Variants in MTCL2 observed in about 807,000 individuals in gnomAD.
MTCL2 encodes the protein microtubule cross-linking factor 2.
the MTCL2 span, among the ~76,000 whole-genome samples, chr20:36,839,828 G>C: frequency 6.6e-6 from 1 of 152,116 alleles, no homozygotes; most frequent in African/African-American, 2.4e-5. This position sits in a 1 kb window ranked among gnomAD's most constrained non-coding sequence, Gnocchi z 5.1. Flanking sequence ...CTAGACCTTT[G>C]ACCTCCAGGA....
the MTCL2 span, among the ~76,000 whole-genome samples, chr20:36,798,513 G>A: frequency 3.9e-5 from 6 of 152,306 alleles, no homozygotes; most frequent in South Asian, 1.2e-3. Context: ...CCCATTGTTG[G>A]TGGCTCCATC....
chr20:36,803,200 G>A, the MTCL2 span: 8 of 1,473,362 alleles, frequency 5.4e-6, no homozygotes, highest in South Asian at 1.1e-4. Flanking sequence ...GCGGGGAAAA[G>A]GGGAGAGGTC....
chr20:36,779,426 G>A, the MTCL2 span: 1 of 152,664 alleles, frequency 6.6e-6, no homozygotes, highest in Non-Finnish European at 1.5e-5. Context: ...GAGGAAAAAG[G>A]AGGGATCCAA....
At chr20:36,859,219 C>T in the MTCL2 span, among the ~76,000 whole-genome samples, 1 of 152,246 alleles carries the variant, frequency 6.6e-6, no homozygotes, top group Admixed American at 6.5e-5. Flanking sequence ...TCTCAGATTC[C>T]TCCATCCACA....
At chr20:36,788,360 A>T in the MTCL2 span, among the ~76,000 whole-genome samples, 1 of 151,828 alleles carries the variant, frequency 6.6e-6, no homozygotes, top group Non-Finnish European at 1.5e-5. Context: ...TTTAAAAAAT[A>T]AATAAAATGG....
At chr20:36,781,746 C>T in the MTCL2 span, 1 of 151,546 alleles carries the variant, frequency 6.6e-6, no homozygotes, top group South Asian at 2.1e-4. Context: ...TCTAAAAAAA[C>T]TTAAAAAAAG....
the MTCL2 span, among the ~76,000 whole-genome samples, chr20:36,801,027 G>C: frequency 6.6e-6 from 1 of 152,154 alleles, no homozygotes; most frequent in African/African-American, 2.4e-5. Flanking sequence ...TGTTCACTGA[G>C]GCACAACTTG....
chr20:36,836,090 T>G, the MTCL2 span, among the ~76,000 whole-genome samples: 2 of 9,394 alleles, frequency 2.1e-4, no homozygotes, highest in Admixed American at 1.5e-3. Flanking sequence ...CCCCCACCCC[T>G]CCCAACCCAG....
the MTCL2 span, among the ~76,000 whole-genome samples, chr20:36,801,559 A>AC: frequency 4.3e-3 from 649 of 151,946 alleles, 5 homozygotes; most frequent in African/African-American, 0.015. Context: ...AAAAAAAAAA[A>AC]ACAACTTTTT....
At chr20:36,835,808 C>T in the MTCL2 span, among the ~76,000 whole-genome samples, 1 of 152,082 alleles carries the variant, frequency 6.6e-6, no homozygotes, top group Non-Finnish European at 1.5e-5. Flanking sequence ...CTCCTCTCCG[C>T]CCAGACTCCG....
chr20:36,825,757 T>C, the MTCL2 span, among the ~76,000 whole-genome samples: 2 of 152,242 alleles, frequency 1.3e-5, no homozygotes, highest in Non-Finnish European at 1.5e-5. Flanking sequence ...ATAGAAACCA[T>C]GTCAGGAAAG....
chr20:36,792,998 G>A, the MTCL2 span, among the ~76,000 whole-genome samples: 2,465 of 151,958 alleles, frequency 0.016, 58 homozygotes, highest in African/African-American at 0.057. Flanking sequence ...TCCGCCTACT[G>A]GGTTCAAGTG....
chr20:36,819,610 C>A, the MTCL2 span, among the ~76,000 whole-genome samples: 14 of 126,116 alleles, frequency 1.1e-4, no homozygotes, highest in East Asian at 6.9e-4. Context: ...CAGAATTACT[C>A]AAAAAAAAAA....
chr20:36,839,910 G>A, the MTCL2 span, among the ~76,000 whole-genome samples: 5 of 152,302 alleles, frequency 3.3e-5, no homozygotes, highest in Middle Eastern at 6.8e-3. The surrounding 1 kb of genome is among the most constrained non-coding windows in gnomAD (Gnocchi z 5.1). Context: ...TGCCCAGGCT[G>A]GAGTGTAGTG....
the MTCL2 span, chr20:36,815,971 G>T: frequency 1.9e-6 from 3 of 1,613,298 alleles, no homozygotes; most frequent in African/African-American, 4.0e-5. This position sits in a 1 kb window ranked among gnomAD's most constrained non-coding sequence, Gnocchi z 5.3. Context: ...CGTGCCTCAG[G>T]ACCCCCACAG....
the MTCL2 span, among the ~76,000 whole-genome samples, chr20:36,844,901 T>A: frequency 6.7e-6 from 1 of 149,894 alleles, no homozygotes; most frequent in African/African-American, 2.5e-5. Flanking sequence ...GTGCCTGTAA[T>A]ACCAGCTACT....
At chr20:36,819,634 A>G in the MTCL2 span, among the ~76,000 whole-genome samples, 5 of 151,518 alleles carry the variant, frequency 3.3e-5, no homozygotes, top group African/African-American at 1.2e-4. Flanking sequence ...AAAAGAAAAA[A>G]TACTGGTGGT....
At chr20:36,799,174 G>A in the MTCL2 span, among the ~76,000 whole-genome samples, 4 of 151,598 alleles carry the variant, frequency 2.6e-5, no homozygotes, top group South Asian at 2.1e-4. Flanking sequence ...TGGGCAACAC[G>A]GCGAAACCCC....
the MTCL2 span, among the ~76,000 whole-genome samples, chr20:36,817,210 T>A: frequency 7.0e-6 from 1 of 141,982 alleles, no homozygotes; most frequent in South Asian, 2.2e-4. Flanking sequence ...GAGGTTGCAG[T>A]GAGCTGAGAT....
Sources: gnomAD v4.1 joint callset for allele counts (sites outside exome capture counted in the v4.1 genomes callset) on GRCh38, gnomAD v4.1.1 for gene constraint, Gnocchi (gnomAD v3.1) non-coding constraint, MANE v1.5 for transcripts, NCBI Gene and HGNC (gene_info 2026-07-23, HGNC 2026-07-21) for gene names.